ZCCHC24: variants seen among roughly 807,000 people sequenced by gnomAD.
The protein encoded by ZCCHC24 is zinc finger CCHC domain-containing protein 24.
ZCCHC24 carries 10 observed loss-of-function variants against 26.2 expected under a neutral mutation model. The ratio of observed to expected loss-of-function variants is 0.38; its 90% CI spans 0.24 to 0.65. The LOEUF is 0.65. Ranked by LOEUF, ZCCHC24 falls within the 30% of genes least tolerant of loss-of-function variation. The probability of loss-of-function intolerance (pLI) is 0.54; values close to 1 mark genes in which losing one functional copy is unlikely to be tolerated. For missense variants in ZCCHC24, 243 were observed against 329.1 expected, an observed-to-expected ratio of 0.74 and a Z score of 2.03; for synonymous variants, 144 against 147.1, an observed-to-expected ratio of 0.98 and a Z score of 0.15.
At chr10:79,430,686 C>CACAACACACACACACACACA (rs370025190) in intron 2 of ZCCHC24, among the ~76,000 whole-genome samples, 25 of 140,620 alleles carry the variant, frequency 1.8e-4, no homozygotes, top group African/African-American at 5.9e-4. Context: ...CACACACACA[C>CACAACACACACACACACACA]CACACACACA....
intron 1 of ZCCHC24, among the ~76,000 whole-genome samples, chr10:79,441,751 T>TG (rs1407873358): frequency 3.3e-5 from 5 of 152,058 alleles, no homozygotes; most frequent in African/African-American, 9.7e-5. Flanking sequence ...ATTCACAAAG[T>TG]GGGGGTCTCT....
chr10:79,412,926 T>A (rs1245952691), intron 2 of ZCCHC24, among the ~76,000 whole-genome samples: 1 of 152,216 alleles, frequency 6.6e-6, no homozygotes, highest in African/African-American at 2.4e-5. Flanking sequence ...ATAGCCACCA[T>A]CAACATCATC....
At chr10:79,406,869 C>T (rs186915436) in intron 2 of ZCCHC24, among the ~76,000 whole-genome samples, 1 of 152,328 alleles carries the variant, frequency 6.6e-6, no homozygotes, top group Admixed American at 6.5e-5. Context: ...ACAATAATCC[C>T]GCTGGTGCCC....
intron 1 of ZCCHC24, among the ~76,000 whole-genome samples, chr10:79,443,243 G>C (rs1019968379): frequency 6.6e-6 from 1 of 152,132 alleles, no homozygotes; most frequent in Non-Finnish European, 1.5e-5. Flanking sequence ...AGTGACAGAG[G>C]GCAGTTCTCA....
Position 79,445,225 on chromosome 10 carries a change from G to C in ZCCHC24, c.216C>G (p.Leu72=). 1 of 1,333,442 alleles carries C rather than the reference G, an allele frequency of 7.5e-7. No individual in the cohort carries two copies. The highest frequency in any genetic ancestry group is 9.7e-7 in the Non-Finnish European group (1 of 1,035,232). 82.6% of individuals were successfully genotyped at this position (1,333,442 alleles called of 1,614,324 possible). A position where few individuals can be genotyped will look rare whatever the true frequency, so the allele number is the denominator to read the frequency against. The change falls in exon 1 of 4, where the codon CTC becomes CTG. Residue 72 remains leucine (L), a synonymous_variant. Transcript: ENST00000372336. ...QLGSPLHSSY[L]NSFFQLQRGE... The stretch of plus-strand genomic sequence containing the variant: ...CGCGCTGCAGCTGGAAGAAGCTGTT[G>C]AGATAGCTGGAGTGCAGGGGCGAGC...
intron 2 of ZCCHC24, among the ~76,000 whole-genome samples, chr10:79,407,831 A>AG (rs1405378066): frequency 6.6e-6 from 1 of 152,066 alleles, no homozygotes; most frequent in Non-Finnish European, 1.5e-5. Flanking sequence ...TGGGCTTGAG[A>AG]GGGGAAAGCC....
rs1589656558 is a variant in ZCCHC24 at position 79,386,488 on chromosome 10, G to A, written c.613-30C>T. ...AGAGAGAAGGAGGAAGGGGCCCAGG[G>A]GAGTGAGGGGAGAGAAAGACAGAAA... On this transcript the variant is annotated intron_variant, in intron 3 of 3. Coordinates refer to ENST00000372336, the MANE Select transcript of ZCCHC24 (RefSeq NM_153367.4). The A allele has an allele frequency of 3.3e-6, 5 of 1,533,468 alleles. No homozygotes were observed. The Admixed American group carries it at 7.4e-5, about 23-fold the overall frequency. 95.0% of individuals were successfully genotyped at this position (1,533,468 alleles called of 1,614,324 possible).
intron 2 of ZCCHC24, among the ~76,000 whole-genome samples, chr10:79,413,147 T>A (rs1856813923): frequency 6.6e-6 from 1 of 152,218 alleles, no homozygotes; most frequent in Admixed American, 6.5e-5. Context: ...CAGTGGGCGG[T>A]GGATGTGACC....
intron 2 of ZCCHC24, among the ~76,000 whole-genome samples, chr10:79,428,637 G>A (rs918572657): frequency 6.6e-6 from 1 of 151,860 alleles, no homozygotes; most frequent in East Asian, 1.9e-4. Context: ...AGATGCAAGT[G>A]GAAATTAATG....
intron 1 of ZCCHC24, chr10:79,444,038 C>T (rs1489902228): frequency 1.3e-6 from 2 of 1,484,260 alleles, no homozygotes; most frequent in Non-Finnish European, 1.8e-6. Flanking sequence ...ACCCCCAGCA[C>T]ACCCTTGCGT....
intron 2 of ZCCHC24, among the ~76,000 whole-genome samples, chr10:79,419,386 G>A (rs1035993266): frequency 6.6e-5 from 10 of 152,200 alleles, no homozygotes; most frequent in African/African-American, 1.7e-4. Context: ...GCAACACGGC[G>A]AAGGACACAC....
intron 2 of ZCCHC24, among the ~76,000 whole-genome samples, chr10:79,405,374 G>A (rs1185230158): frequency 6.6e-6 from 1 of 152,244 alleles, no homozygotes; most frequent in Admixed American, 6.5e-5. Context: ...TTGGCAGCTG[G>A]AGGGGACACC....
intron 3 of ZCCHC24, among the ~76,000 whole-genome samples, chr10:79,387,248 G>C (rs1286898448): frequency 6.6e-6 from 1 of 152,198 alleles, no homozygotes; most frequent in Non-Finnish European, 1.5e-5. Context: ...GGTGATCGCA[G>C]GGAGCCTCCG....
chr10:79,416,591 GT>G (rs1204098913), intron 2 of ZCCHC24, among the ~76,000 whole-genome samples: 4 of 152,224 alleles, frequency 2.6e-5, no homozygotes, highest in African/African-American at 9.6e-5. Flanking sequence ...GAAGACATCA[GT>G]GATGTGCTGG....
intron 1 of ZCCHC24, among the ~76,000 whole-genome samples, chr10:79,439,792 C>CAAAAAAAA (rs3997794): frequency 8.6e-6 from 1 of 116,182 alleles, no homozygotes; most frequent in Non-Finnish European, 1.8e-5. Context: ...CAGACTCCAT[C>CAAAAAAAA]AAAAAAAAAA....
intron 2 of ZCCHC24, among the ~76,000 whole-genome samples, chr10:79,404,325 T>C (rs1246401227): frequency 6.6e-6 from 1 of 152,228 alleles, no homozygotes; most frequent in African/African-American, 2.4e-5. Flanking sequence ...AAAGACATTT[T>C]AATCACATGA....
intron 2 of ZCCHC24, 34 bp downstream of exon 2, chr10:79,432,524 C>A: frequency 6.3e-7 from 1 of 1,583,250 alleles, no homozygotes; most frequent in Non-Finnish European, 8.6e-7. Context: ...AGTAGGGGAG[C>A]CCAAGAGCAC....
intron 2 of ZCCHC24, among the ~76,000 whole-genome samples, chr10:79,419,313 C>T (rs907573981): frequency 5.3e-5 from 8 of 152,206 alleles, no homozygotes; most frequent in Non-Finnish European, 1.0e-4. Context: ...CTGCATTAGA[C>T]GCTTTCCACA....
At chr10:79,411,380 T>G (rs1234317285) in intron 2 of ZCCHC24, among the ~76,000 whole-genome samples, 1 of 152,160 alleles carries the variant, frequency 6.6e-6, no homozygotes, top group Non-Finnish European at 1.5e-5. Context: ...AGGAACCATG[T>G]GAACACAGGC....
Sources: allele counts gnomAD v4.1 joint callset (sites outside exome capture counted in the v4.1 genomes callset), GRCh38; gene constraint gnomAD v4.1.1; transcripts MANE v1.5; gene names NCBI Gene and HGNC (gene_info 2026-07-23, HGNC 2026-07-21).